The following METTL15 variants were observed in gnomAD, a reference collection of about 807,000 sequenced individuals.
The protein encoded by METTL15 is methyltransferase 15, mitochondrial 12S rRNA N4-cytidine, also known as 12S rRNA N(4)-cytidine methyltransferase METTL15.
In METTL15, 34 loss-of-function variants were observed where a neutral mutation model predicts 38.3. The ratio of observed to expected loss-of-function variants is 0.89; its 90% CI spans 0.68 to 1.18. METTL15 has a LOEUF of 1.18. Ranked by LOEUF, METTL15 falls within the 50% of genes most tolerant of loss-of-function variation. METTL15 has a pLI of 0.00. For synonymous variants in METTL15, 162 were observed against 170.9 expected, an observed-to-expected ratio of 0.95 and a Z score of 0.41; for missense variants, 438 against 498.4, an observed-to-expected ratio of 0.88 and a Z score of 1.15.
At chr11:28,111,681 ATTAC>A (rs1436920152) in intron 2 of METTL15, among the ~76,000 whole-genome samples, 1 of 152,176 alleles carries the variant, frequency 6.6e-6, no homozygotes, top group Non-Finnish European at 1.5e-5. Context: ...CCTTTGGCAA[ATTAC>A]TTCTCTGTTT....
rs545001055 is a variant in METTL15, at chr11:28,494,955, A to G, written c.*425-31523A>G. On this transcript the variant is annotated intron_variant and NMD_transcript_variant, in intron 6 of 7. Coordinates refer to the METTL15 transcript ENST00000532947. ...CAGAGAAAATAATGGTTCTTGCTTC[A>G]TATGGTTTTGTGATAACTAAATGAA... Among the ~76,000 whole-genome samples, 18 of 152,290 alleles carry G rather than the reference A, an allele frequency of 1.2e-4. No individual in the cohort carries two copies. The East Asian group carries it at 1.3e-3, about 11-fold the overall frequency.
At chr11:28,464,074 G>A (rs979040388) in intron 6 of METTL15, among the ~76,000 whole-genome samples, 29 of 152,198 alleles carry the variant, frequency 1.9e-4, no homozygotes, top group Admixed American at 1.6e-3. Flanking sequence ...AAGTTGAATC[G>A]TGTTTGATTA....
intron 3 of METTL15, among the ~76,000 whole-genome samples, chr11:28,151,573 T>C (rs1428693244): frequency 6.6e-6 from 1 of 151,978 alleles, no homozygotes; most frequent in African/African-American, 2.4e-5. Context: ...TGCACTTGCT[T>C]CTGTCCATTC....
At chr11:28,401,531 G>A (rs142789846) in intron 5 of METTL15, among the ~76,000 whole-genome samples, 336 of 151,894 alleles carry the variant, frequency 2.2e-3, no homozygotes, top group Non-Finnish European at 4.0e-3. Flanking sequence ...TCTGTCTCAT[G>A]TATTTAACTT....
At chr11:28,356,980 A>G (rs952865699) in intron 4 of METTL15, among the ~76,000 whole-genome samples, 1 of 152,212 alleles carries the variant, frequency 6.6e-6, no homozygotes, top group Non-Finnish European at 1.5e-5. Flanking sequence ...GACTGGGCAC[A>G]GTTAGCTGCA....
At chr11:28,156,452 G>A (rs1850269489) in intron 3 of METTL15, among the ~76,000 whole-genome samples, 1 of 152,122 alleles carries the variant, frequency 6.6e-6, no homozygotes, top group South Asian at 2.1e-4. Context: ...GTTCCTGACG[G>A]TAGATATTCA....
chr11:28,308,394 G>A (rs1016602556), intron 6 of METTL15, among the ~76,000 whole-genome samples: 1 of 151,678 alleles, frequency 6.6e-6, no homozygotes, highest in Non-Finnish European at 1.5e-5. Context: ...TATTTCCCAC[G>A]TCTTTCTATC....
intron 6 of METTL15, among the ~76,000 whole-genome samples, chr11:28,312,315 A>G (rs986726017): frequency 2.6e-5 from 4 of 152,208 alleles, no homozygotes; most frequent in African/African-American, 9.6e-5. Context: ...TATAACAATG[A>G]TATTGAAGCT....
chr11:28,360,009 G>A (rs764655054), intron 4 of METTL15, among the ~76,000 whole-genome samples: 11 of 152,158 alleles, frequency 7.2e-5, no homozygotes, highest in Non-Finnish European at 1.5e-4. Context: ...ACTTACAAAA[G>A]AAGCCCAACC....
At chr11:28,269,566 A>T (rs1026605778) in intron 4 of METTL15, among the ~76,000 whole-genome samples, 1 of 152,088 alleles carries the variant, frequency 6.6e-6, no homozygotes, top group Non-Finnish European at 1.5e-5. Context: ...ATGGATATGG[A>T]TGTTGATTAG....
chr11:28,325,541 A>G (rs1484248484), intron 6 of METTL15, among the ~76,000 whole-genome samples: 1 of 152,196 alleles, frequency 6.6e-6, no homozygotes, highest in African/African-American at 2.4e-5. Flanking sequence ...TTATCCATTC[A>G]TTCATCCATT....
In METTL15 at chr11:28,113,536, A is replaced by C; in HGVS notation, c.202A>C (p.Met68Leu). ...ATCTCAAGATAGAGATTTTGAAACT[A>C]TGGCTAAATTACATATTCCAGTAAT... ...HRSQDRDFET[M>L]AKLHIPVMVD... Residue 68 changes from methionine to leucine, a missense_variant, in exon 3 of 7, where the codon ATG (methionine) becomes CTG (leucine). Coordinates refer to ENST00000407364, the MANE Select transcript of METTL15 (RefSeq NM_001113528.2). 1 of 1,613,830 alleles carries C rather than the reference A, an allele frequency of 6.2e-7. No individual in the cohort carries two copies. The highest frequency in any genetic ancestry group is 8.5e-7 in the Non-Finnish European group (1 of 1,179,854).
chr11:28,431,643 G>A (rs1260106659), intron 6 of METTL15, among the ~76,000 whole-genome samples: 3 of 81,108 alleles, frequency 3.7e-5, no homozygotes, highest in Non-Finnish European at 4.9e-5. Context: ...CAAACACTGC[G>A]GAAGGCCGCA....
chr11:28,392,590 G>A (rs947151073), intron 5 of METTL15, among the ~76,000 whole-genome samples: 1 of 152,040 alleles, frequency 6.6e-6, no homozygotes. Context: ...CATGATATTG[G>A]ATTTTGCAGT....
At chr11:28,363,574 T>C (rs563099894) in intron 5 of METTL15, among the ~76,000 whole-genome samples, 1 of 152,328 alleles carries the variant, frequency 6.6e-6, no homozygotes, top group East Asian at 1.9e-4. Flanking sequence ...ACTTCGTAGA[T>C]TGTGGATATT....
chr11:28,162,453 A>T (rs1295276727), intron 3 of METTL15, among the ~76,000 whole-genome samples: 1 of 152,148 alleles, frequency 6.6e-6, no homozygotes, highest in Non-Finnish European at 1.5e-5. Context: ...CAAGAAAATG[A>T]TCTAAGCATG....
chr11:28,153,922 A>G (rs566944577), intron 3 of METTL15, among the ~76,000 whole-genome samples: 1 of 152,262 alleles, frequency 6.6e-6, no homozygotes, highest in South Asian at 2.1e-4. Flanking sequence ...TAGTGCTGGG[A>G]AAAGTTCTGG....
intron 3 of METTL15, among the ~76,000 whole-genome samples, chr11:28,149,024 A>G (rs1849986105): frequency 1.3e-5 from 2 of 151,946 alleles, no homozygotes; most frequent in African/African-American, 4.8e-5. Context: ...TAGCAGTTTG[A>G]CGGCCAGACT....
At chr11:28,309,731 G>A (rs903530587) in intron 6 of METTL15, among the ~76,000 whole-genome samples, 3 of 152,062 alleles carry the variant, frequency 2.0e-5, no homozygotes, top group East Asian at 1.9e-4. Flanking sequence ...AATCTCCTGC[G>A]TTTTATGATG....
Sources: gnomAD v4.1 joint callset for allele counts (sites outside exome capture counted in the v4.1 genomes callset) on GRCh38, gnomAD v4.1.1 for gene constraint, MANE v1.5 for transcripts, NCBI Gene and HGNC (gene_info 2026-07-23, HGNC 2026-07-21) for gene names.